IST1: variants seen among roughly 807,000 people sequenced by gnomAD.
IST1 encodes IST1 homolog.
In IST1, 23 loss-of-function variants were observed where a neutral mutation model predicts 37.0. The observed-to-expected ratio is 0.62, with a 90% CI of 0.45 to 0.88. The LOEUF (loss-of-function observed/expected upper bound fraction) is 0.88, where lower values mean the gene tolerates loss of function less well. Among genes scored for constraint, IST1 ranks in the 40% least tolerant of loss-of-function variants. The pLI is 0.00. For synonymous variants in IST1, 180 were observed against 161.7 expected (o/e 1.11, Z -0.86); for missense variants, 488 against 445.4 (o/e 1.10, Z -0.86).
At chr16:71,904,996 C>T (rs909100347) in intron 1 of IST1, among the ~76,000 whole-genome samples, 1 of 151,808 alleles carries the variant, frequency 6.6e-6, no homozygotes, top group Non-Finnish European at 1.5e-5. Flanking sequence ...TTTTTAAATT[C>T]CATTAAAAAA....
At chr16:71,898,681 A>G (rs112189381) in intron 1 of IST1, among the ~76,000 whole-genome samples, 2 of 150,834 alleles carry the variant, frequency 1.3e-5, no homozygotes, top group African/African-American at 2.4e-5. Context: ...AAAAAAAACA[A>G]AAAAGGAAAC....
chr16:71,924,682 T>TA, intron 8 of IST1, 87 bp from the exon 9 acceptor site: 1 of 1,022,550 alleles, frequency 9.8e-7, no homozygotes, highest in Non-Finnish European at 1.5e-6. Flanking sequence ...GTGAGCAACT[T>TA]AACTTTTGGA....
chr16:71,924,392 A>G, intron 8 of IST1: 1 of 385,174 alleles, frequency 2.6e-6, no homozygotes, highest in South Asian at 2.1e-5. Flanking sequence ...GGCGTTCGAG[A>G]CCAGCCTGGG....
rs1316710569 is a variant in IST1 at position 71,923,324 on chromosome 16, G to C, written c.796G>C (p.Ala266Pro). ...TGGACTGCCAATGGGGACTTATCAGGCCTTTCCCAATATTCATCCACCTCA... is the reference window on the plus strand; with the variant it reads ...TGGACTGCCAATGGGGACTTATCAGCCCTTTCCCAATATTCATCCACCTCA... ...FNGLPMGTYQAFPNIHPPQIP... is the reference protein window; with the variant it reads ...FNGLPMGTYQPFPNIHPPQIP... Residue 266 changes from alanine to proline, a missense_variant, in exon 8 of 10, where the codon GCC becomes CCC. This residue lies in a region of IST1 where 455 missense variants were observed against 386.2 expected (regional missense o/e 1.18). Coordinates refer to ENST00000378799, the MANE Select transcript of IST1 (RefSeq NM_001270975.2). 6.2e-7 allele frequency: 1 copy of C among 1,612,422 alleles called. No homozygotes were observed. The highest frequency in any genetic ancestry group is 1.7e-5 in the Admixed American group (1 of 59,930).
intron 5 of IST1, 51 bp downstream of exon 5, chr16:71,920,873 T>C (rs375214734): frequency 1.5e-6 from 2 of 1,291,780 alleles, no homozygotes; most frequent in Non-Finnish European, 1.1e-6. Flanking sequence ...AGCAGTTTAT[T>C]GTACTGCTTG....
chr16:71,902,339 G>A lies in IST1; in HGVS notation c.-16+6750G>A, dbSNP rs148093762. On this transcript the variant is annotated intron_variant, in intron 1 of 9. Transcript: ENST00000378799. ...GGCTGGAATGCAGTGGTGTGATCTC[G>A]GCTCACTGCAACCTCCACCTCCTGG... Among the ~76,000 whole-genome samples the A allele has an allele frequency of 4.1e-3, 618 of 151,380 alleles. 2 individuals are homozygous for A. Among genetic ancestry groups the A allele is most frequent in the African/African-American group, 0.014 (597 of 41,208 alleles).
In IST1 at chr16:71,927,332, T is replaced by C. The variant is rs530493258; in HGVS notation, c.902-282T>C. Among the ~76,000 whole-genome samples the C allele has an allele frequency of 2.0e-5, 3 of 152,022 alleles. No individual in the cohort carries two copies. The South Asian group carries it at 6.2e-4, about 32-fold the overall frequency. On this transcript the variant is annotated intron_variant, in intron 9 of 9. Coordinates refer to ENST00000378799, the MANE Select transcript of IST1 (RefSeq NM_001270975.2). ...GGTGAAACCCTCTCTCTACTAAAAATACAAAAATTAGCCAGGTGTGGTGGC... is the reference window on the plus strand; with the variant it reads ...GGTGAAACCCTCTCTCTACTAAAAACACAAAAATTAGCCAGGTGTGGTGGC...
At position 71,924,831 on chromosome 16, in the gene IST1, A is replaced by G. The variant is rs369920481; in HGVS notation, c.901+14A>G. ...CACAGATTGTTGGTGAGTAGTATCA[A>G]TCAGAAACCTGCAGAGCTCAGTGCT... On this transcript the variant is annotated intron_variant, in intron 9 of 9. Transcript: ENST00000378799. 154 of 1,574,662 alleles carry G rather than the reference A, an allele frequency of 9.8e-5. No homozygotes were observed. The highest frequency in any genetic ancestry group is 1.1e-4 in the Non-Finnish European group (126 of 1,144,148).
At chr16:71,923,706 C>T (rs1451078151) in intron 8 of IST1, among the ~76,000 whole-genome samples, 2 of 152,176 alleles carry the variant, frequency 1.3e-5, no homozygotes, top group African/African-American at 2.4e-5. Context: ...TGAGCTGATA[C>T]AATCGTGGTG....
intron 5 of IST1, 120 bp downstream of exon 5, chr16:71,920,942 G>C (rs2037565680): frequency 1.3e-6 from 1 of 769,986 alleles, no homozygotes; most frequent in Non-Finnish European, 2.3e-6. Flanking sequence ...TTTCATAGTG[G>C]GGTGAGGAGG....
In IST1 at chr16:71,928,963, A is replaced by T. The variant is rs186320289; in HGVS notation, c.*1150A>T. The T allele has an allele frequency of 6.6e-6, 1 of 151,522 alleles. No individual in the cohort carries two copies. Among genetic ancestry groups the T allele is most frequent in the Non-Finnish European group, 1.5e-5 (1 of 68,296 alleles). 9.4% of individuals were successfully genotyped at this position (151,522 alleles called of 1,614,324 possible). A position where few individuals can be genotyped will look rare whatever the true frequency, so the allele number is the denominator to read the frequency against. ...TCTTTAATGTTTTCAGTTGGTTTGT[A>T]TTCTGTAGCTCAGTAGCTGCTAATA... On this transcript the variant is annotated 3_prime_UTR_variant, in exon 10 of 10. Coordinates refer to ENST00000378799, the MANE Select transcript of IST1 (RefSeq NM_001270975.2).
intron 9 of IST1, among the ~76,000 whole-genome samples, chr16:71,925,323 T>G (rs2037715528): frequency 6.9e-6 from 1 of 145,266 alleles, no homozygotes; most frequent in African/African-American, 2.6e-5. Flanking sequence ...CTGATTTTTT[T>G]TTTTTTTTTT....
In IST1 at chr16:71,929,311, G is replaced by A. The variant is rs1262918353; in HGVS notation, c.*1498G>A. ...AGCCATCCTGGGCCATGGGTGGTGA[G>A]TTCTGTTACTTGCTGCTTGGCAGCA... On this transcript the variant is annotated 3_prime_UTR_variant, in exon 10 of 10. Transcript: ENST00000378799. The A allele has an allele frequency of 4.9e-6, 2 of 406,306 alleles. No homozygotes were observed. The highest frequency in any genetic ancestry group is 8.7e-6 in the Non-Finnish European group (2 of 230,368). The allele number at this position is 406,306 out of a possible 1,614,324, so 25.2% of individuals were successfully genotyped here.
intron 3 of IST1, 111 bp downstream of exon 3, chr16:71,916,753 T>C: frequency 1.1e-6 from 1 of 896,954 alleles, no homozygotes; most frequent in Non-Finnish European, 1.7e-6. Context: ...ATCTGCTGCC[T>C]AACAGTTGCT....
At chr16:71,900,824 A>G (rs1270425806) in intron 1 of IST1, among the ~76,000 whole-genome samples, 1 of 152,126 alleles carries the variant, frequency 6.6e-6, no homozygotes, top group Non-Finnish European at 1.5e-5. Flanking sequence ...AGGCTAGGGA[A>G]GCTCTCATTT....
chr16:71,898,830 A>G (rs1200977264), intron 1 of IST1, among the ~76,000 whole-genome samples: 1 of 150,976 alleles, frequency 6.6e-6, no homozygotes, highest in Non-Finnish European at 1.5e-5. Flanking sequence ...TAAAAAAATT[A>G]GCGGGGTGCC....
At position 71,927,914 on chromosome 16, in the gene IST1, G is replaced by A. The variant is rs543632106; in HGVS notation, c.*101G>A. ...TGAAATTCTGTTTCATCTGTTAACC[G>A]TCACTCAGCACAACACTCCCTCTGG... On this transcript the variant is annotated 3_prime_UTR_variant, in exon 10 of 10. Transcript: ENST00000378799. 1.5e-4 allele frequency: 123 copies of A among 843,222 alleles called. No homozygotes were observed. In the Admixed American group the frequency reaches 2.0e-3, roughly 14 times the overall value. The allele number at this position is 843,222 out of a possible 1,614,324, so 52.2% of individuals were successfully genotyped here.
At chr16:71,895,400 G>A, upstream of IST1, 1 of 438,462 alleles carries the variant, frequency 2.3e-6, no homozygotes, top group Non-Finnish European at 3.0e-6. Context: ...CCGAGGGAGG[G>A]TGCCCCGAGT....
chr16:71,898,832 C>T (rs904975600), intron 1 of IST1, among the ~76,000 whole-genome samples: 34 of 151,470 alleles, frequency 2.2e-4, no homozygotes, highest in Admixed American at 1.9e-3. Flanking sequence ...AAAAAATTAG[C>T]GGGGTGCCTG....
Sources: allele counts gnomAD v4.1 joint callset (sites outside exome capture counted in the v4.1 genomes callset), GRCh38; gene constraint gnomAD v4.1.1; regional missense constraint gnomAD v4.1.1; transcripts MANE v1.5; gene names NCBI Gene and HGNC (gene_info 2026-07-23, HGNC 2026-07-21).